Variants in DIAPH3 observed in about 807,000 individuals in gnomAD.
DIAPH3 encodes diaphanous related formin 3, also known as protein diaphanous homolog 3.
Under a neutral mutation model 144.3 loss-of-function variants are expected in DIAPH3, and 117 were observed. The observed-to-expected ratio is 0.81, with a 90% CI of 0.70 to 0.95. DIAPH3 has a LOEUF of 0.95. Ranked by LOEUF, DIAPH3 falls within the 40% of genes least tolerant of loss-of-function variation. The pLI is 0.00. For missense variants in DIAPH3, 1,421 were observed against 1,412.7 expected (o/e 1.01, Z -0.09); for synonymous variants, 519 against 488.9 (o/e 1.06, Z -0.81).
intron 24 of DIAPH3, among the ~76,000 whole-genome samples, chr13:59,824,677 T>C (rs1250615723): frequency 6.6e-6 from 1 of 152,150 alleles, no homozygotes; most frequent in Non-Finnish European, 1.5e-5. Flanking sequence ...AAATAATAAC[T>C]ACAAAGTTTG....
At chr13:59,823,255 A>G (rs2041175599) in intron 24 of DIAPH3, among the ~76,000 whole-genome samples, 1 of 152,214 alleles carries the variant, frequency 6.6e-6, no homozygotes, top group Non-Finnish European at 1.5e-5. Flanking sequence ...TTTACTGTGA[A>G]GAACTTAAAG....
At chr13:59,799,375 GCACACACACACACACACACACA>G (rs56979042) in intron 25 of DIAPH3, among the ~76,000 whole-genome samples, 1 of 139,248 alleles carries the variant, frequency 7.2e-6, no homozygotes, top group Admixed American at 7.2e-5. Context: ...CTGGAAATAT[GCACACACACACACACACACACA>G]CACACACACA....
intron 17 of DIAPH3, among the ~76,000 whole-genome samples, chr13:59,951,563 A>G (rs2049100420): frequency 1.3e-5 from 2 of 152,130 alleles, no homozygotes; most frequent in South Asian, 4.1e-4. Context: ...TTCTGCCATC[A>G]TTCACTCAAT....
chr13:59,719,661 T>TA (rs2035241522), intron 27 of DIAPH3, among the ~76,000 whole-genome samples: 1 of 152,112 alleles, frequency 6.6e-6, no homozygotes, highest in South Asian at 2.1e-4. Flanking sequence ...CTTCTTGGTG[T>TA]TGGAGAAAGC....
chr13:59,969,625 T>TG (rs1239671434), intron 17 of DIAPH3, among the ~76,000 whole-genome samples: 2 of 152,164 alleles, frequency 1.3e-5, no homozygotes, highest in Non-Finnish European at 2.9e-5. Context: ...TTTTTCAAAC[T>TG]GAAGGACCTT....
chr13:59,761,748 A>G (rs563876591), intron 27 of DIAPH3, among the ~76,000 whole-genome samples: 2 of 152,348 alleles, frequency 1.3e-5, no homozygotes, highest in Admixed American at 6.5e-5. Context: ...GGTAGAACAG[A>G]GAAAATTCCT....
intron 27 of DIAPH3, among the ~76,000 whole-genome samples, chr13:59,685,675 T>G (rs926278016): frequency 6.6e-6 from 1 of 152,008 alleles, no homozygotes; most frequent in Non-Finnish European, 1.5e-5. Context: ...CCTTGTTCTG[T>G]TGAAAGGGGG....
intron 24 of DIAPH3, among the ~76,000 whole-genome samples, chr13:59,823,173 C>T (rs2041170597): frequency 6.6e-6 from 1 of 152,046 alleles, no homozygotes; most frequent in Non-Finnish European, 1.5e-5. Context: ...CAGTTATTAT[C>T]CCATTTAGCA....
chr13:59,980,754 GT>G (rs778724886), intron 14 of DIAPH3, 40 bp downstream of exon 14: 8 of 1,544,740 alleles, frequency 5.2e-6, no homozygotes, highest in Admixed American at 1.7e-5. Flanking sequence ...GCCTGCAGTG[GT>G]TCCCCACAGA....
chr13:60,054,768 C>T (rs948034987), intron 4 of DIAPH3, among the ~76,000 whole-genome samples: 2 of 151,836 alleles, frequency 1.3e-5, no homozygotes, highest in South Asian at 2.1e-4. Flanking sequence ...AAATGCATTG[C>T]GACTATTTCC....
intron 27 of DIAPH3, among the ~76,000 whole-genome samples, chr13:59,713,935 A>ATCATGGC (rs1279666998): frequency 6.6e-6 from 1 of 152,222 alleles, no homozygotes; most frequent in Non-Finnish European, 1.5e-5. Context: ...CAGGCCTGGC[A>ATCATGGC]TCATGGCTCA....
At chr13:60,073,210 G>A (rs537255119) in intron 4 of DIAPH3, among the ~76,000 whole-genome samples, 10 of 152,072 alleles carry the variant, frequency 6.6e-5, no homozygotes, top group Non-Finnish European at 1.3e-4. Context: ...TCAGGAGGCC[G>A]AGGCAGAAGA....
chr13:60,104,905 C>T (rs2058366756), intron 3 of DIAPH3, among the ~76,000 whole-genome samples: 1 of 151,962 alleles, frequency 6.6e-6, no homozygotes, highest in African/African-American at 2.4e-5. Context: ...ACCATCCTGG[C>T]TAACACGGTG....
chr13:60,074,447 C>A (rs750069626), intron 4 of DIAPH3, among the ~76,000 whole-genome samples: 2 of 152,124 alleles, frequency 1.3e-5, no homozygotes, highest in Admixed American at 1.3e-4. Flanking sequence ...GGATGGCTGC[C>A]CTTCCTATTC....
At chr13:59,728,673 T>C (rs1593688112) in intron 27 of DIAPH3, among the ~76,000 whole-genome samples, 1 of 151,998 alleles carries the variant, frequency 6.6e-6, no homozygotes, top group African/African-American at 2.4e-5. Context: ...AATCATGGCA[T>C]GTAGAAAAGG....
chr13:59,696,689 T>C (rs919135470), intron 27 of DIAPH3, among the ~76,000 whole-genome samples: 1 of 152,208 alleles, frequency 6.6e-6, no homozygotes, highest in Non-Finnish European at 1.5e-5. Context: ...TATTTTTATA[T>C]ACTAGTACAG....
intron 21 of DIAPH3, among the ~76,000 whole-genome samples, chr13:59,864,726 G>C (rs776270622): frequency 6.6e-6 from 1 of 151,952 alleles, no homozygotes; most frequent in Non-Finnish European, 1.5e-5. Context: ...ACACAGATTC[G>C]AGTTATTCAG....
intron 27 of DIAPH3, among the ~76,000 whole-genome samples, chr13:59,762,247 A>C (rs1038773114): frequency 1.3e-5 from 2 of 151,760 alleles, no homozygotes; most frequent in African/African-American, 4.8e-5. Context: ...ATTTTAGTAG[A>C]GACGGGGTTT....
intron 4 of DIAPH3, among the ~76,000 whole-genome samples, chr13:60,084,405 A>ACATTCCCTTGGAC (rs2057682507): frequency 6.6e-6 from 1 of 152,038 alleles, no homozygotes; most frequent in South Asian, 2.1e-4. Context: ...GGAAAGTCAC[A>ACATTCCCTTGGAC]CATTCCCTTG....
Sources: allele counts gnomAD v4.1 joint callset (sites outside exome capture counted in the v4.1 genomes callset), GRCh38; gene constraint gnomAD v4.1.1; transcripts MANE v1.5; gene names NCBI Gene and HGNC (gene_info 2026-07-23, HGNC 2026-07-21).